Variants in ANKRD30A observed in about 807,000 individuals in gnomAD.
ANKRD30A encodes ankyrin repeat domain 30A, also known as ankyrin repeat domain-containing protein 30A.
In ANKRD30A, 170 loss-of-function variants were observed where a neutral mutation model predicts 166.3. The observed-to-expected ratio is 1.02, with a 90% CI of 0.90 to 1.16. The LOEUF is 1.16. Ranked by LOEUF, ANKRD30A falls within the 50% of genes most tolerant of loss-of-function variation. ANKRD30A has a pLI of 0.00. For missense variants in ANKRD30A, 1,630 were observed against 1,518.0 expected (o/e 1.07, Z -1.23); for synonymous variants, 564 against 508.9 (o/e 1.11, Z -1.46).
At chr10:37,226,351 A>G (rs1379731750) in intron 34 of ANKRD30A, among the ~76,000 whole-genome samples, 1 of 146,784 alleles carries the variant, frequency 6.8e-6, no homozygotes, top group Non-Finnish European at 1.5e-5. Flanking sequence ...GAGTGAGAAC[A>G]TGCGGCGTTT....
intron 6 of ANKRD30A, among the ~76,000 whole-genome samples, chr10:37,138,318 G>T (rs951648801): frequency 2.0e-5 from 3 of 152,044 alleles, no homozygotes; most frequent in African/African-American, 7.2e-5. Flanking sequence ...AAAATCAGAG[G>T]GCCTCTCCTC....
the ANKRD30A span, among the ~76,000 whole-genome samples, chr10:37,257,044 G>A: frequency 8.8e-4 from 134 of 152,002 alleles, no homozygotes; most frequent in African/African-American, 3.1e-3. Flanking sequence ...TTGGTTGGTA[G>A]GCTATTAAAT....
At chr10:37,160,425 G>A (rs550393942) in intron 15 of ANKRD30A, among the ~76,000 whole-genome samples, 1 of 152,158 alleles carries the variant, frequency 6.6e-6, no homozygotes, top group East Asian at 1.9e-4. Context: ...AGGAGAAATA[G>A]GAAAAACATT....
At chr10:37,178,653 A>T in intron 24 of ANKRD30A, 1 of 908,374 alleles carries the variant, frequency 1.1e-6, no homozygotes, top group African/African-American at 1.8e-5. Context: ...GAAAGGAGCA[A>T]TGCAATAGAA....
chr10:37,195,459 T>C (rs1277332419), intron 27 of ANKRD30A, among the ~76,000 whole-genome samples: 1 of 152,128 alleles, frequency 6.6e-6, no homozygotes, highest in Non-Finnish European at 1.5e-5. Flanking sequence ...CGGCTTCACA[T>C]GCTAGTTCAG....
chr10:37,146,860 T>A (rs1256786696), intron 8 of ANKRD30A, among the ~76,000 whole-genome samples: 1 of 152,208 alleles, frequency 6.6e-6, no homozygotes, highest in African/African-American at 2.4e-5. Context: ...TTTGTTTAAC[T>A]AAAGGTAAAG....
At chr10:37,256,734 C>A in the ANKRD30A span, among the ~76,000 whole-genome samples, 3 of 152,050 alleles carry the variant, frequency 2.0e-5, no homozygotes, top group Non-Finnish European at 2.9e-5. Flanking sequence ...TGAAGCATGC[C>A]TTTTAAAAAA....
rs1835964440 is a variant in ANKRD30A at position 37,125,805 on chromosome 10, C to T, written c.18C>T (p.Ala6=). 3 of 732,416 alleles carry T rather than the reference C, an allele frequency of 4.1e-6. No individual in the cohort carries two copies. Among genetic ancestry groups the T allele is most frequent in the Non-Finnish European group, 6.9e-6 (3 of 435,392 alleles). 45.4% of individuals were successfully genotyped at this position (732,416 alleles called of 1,614,324 possible). A position where few individuals can be genotyped will look rare whatever the true frequency, so the allele number is the denominator to read the frequency against. The change falls in exon 1 of 36, where the codon GCC becomes GCT. Residue 6 remains alanine, a synonymous_variant. Coordinates refer to ENST00000361713, the MANE Select transcript of ANKRD30A (RefSeq NM_052997.3). ...CCGCAGCCATGGAGGAGATCTCTGC[C>T]GCCGCTGTCAAGGTCGTGCCGGGCC... is the stretch of plus-strand genomic sequence containing the variant. MEEIS[A]AAVKVVPGPE... is the part of the protein sequence containing the mutation.
intron 15 of ANKRD30A, among the ~76,000 whole-genome samples, chr10:37,160,283 C>G (rs1352608177): frequency 6.6e-6 from 1 of 152,114 alleles, no homozygotes; most frequent in African/African-American, 2.4e-5. Flanking sequence ...ATTTAAAATA[C>G]ACGAATTGGA....
At chr10:37,242,832 A>G in the ANKRD30A span, among the ~76,000 whole-genome samples, 1 of 152,190 alleles carries the variant, frequency 6.6e-6, no homozygotes, top group African/African-American at 2.4e-5. Flanking sequence ...ACTTGAGCTC[A>G]CTGCAACAGT....
chr10:37,178,490 C>T, intron 24 of ANKRD30A: 5 of 962,708 alleles, frequency 5.2e-6, no homozygotes, highest in Non-Finnish European at 6.2e-6. Flanking sequence ...TGCTGGTGGT[C>T]CTTGGACGTT....
chr10:37,253,654 T>C, the ANKRD30A span, among the ~76,000 whole-genome samples: 2 of 149,876 alleles, frequency 1.3e-5, no homozygotes, highest in African/African-American at 4.9e-5. Flanking sequence ...TTTTTCTTTT[T>C]TTTTTTTTTT....
intron 12 of ANKRD30A, 26 bp downstream of exon 12, chr10:37,152,147 T>A (rs753444984): frequency 1.1e-5 from 17 of 1,531,750 alleles, no homozygotes; most frequent in Admixed American, 1.0e-4. Context: ...GATTTTTTTT[T>A]AATATTAGTA....
chr10:37,160,468 G>A (rs1441252368), intron 15 of ANKRD30A, among the ~76,000 whole-genome samples: 5 of 152,128 alleles, frequency 3.3e-5, no homozygotes, highest in Admixed American at 3.3e-4. Flanking sequence ...TGTATTTGTT[G>A]AACTTCAGAG....
chr10:37,208,469 C>T (rs1447778985), intron 31 of ANKRD30A, among the ~76,000 whole-genome samples: 1 of 152,124 alleles, frequency 6.6e-6, no homozygotes, highest in Non-Finnish European at 1.5e-5. Flanking sequence ...TACATTCTAA[C>T]CTGTGGTCAC....
chr10:37,197,462 GAACA>G lies in ANKRD30A; in HGVS notation c.2703_2706del (p.Gln901HisfsTer2). The G allele has an allele frequency of 1.2e-6, 2 of 1,612,332 alleles. No individual in the cohort carries two copies. Among genetic ancestry groups the G allele is most frequent in the East Asian group, 4.5e-5 (2 of 44,818 alleles). The stretch of plus-strand genomic sequence containing the variant: ...AAATAAAGCCTTGGAATTGAAGAAT[GAACA>G]AACATTGAGAGCAGGTACATTTTTC... On this transcript the variant is annotated frameshift_variant, in exon 29 of 36. Coordinates refer to ENST00000361713, the MANE Select transcript of ANKRD30A (RefSeq NM_052997.3). LOFTEE classifies it high-confidence loss of function.
In ANKRD30A at chr10:37,152,064, G is replaced by A. The variant is rs538041220; in HGVS notation, c.1650G>A (p.Pro550=). The A allele has an allele frequency of 7.4e-5, 119 of 1,607,898 alleles. No homozygotes were observed. Among genetic ancestry groups the A allele is most frequent in the Non-Finnish European group, 9.3e-5 (109 of 1,176,162 alleles). The change falls in exon 12 of 36, where the codon CCG becomes CCA. Residue 550 remains proline (P), a synonymous_variant. Coordinates refer to ENST00000361713, the MANE Select transcript of ANKRD30A (RefSeq NM_052997.3). ...LKNEQTLRAD[P]MFPPESKQKD... is the part of the protein sequence containing the mutation. Reference sequence around the variant, plus strand: ...TCTGTGATTAACCTTTTATAGATCCGATGTTCCCACCAGAATCCAAACAAA... The same window carrying A: ...TCTGTGATTAACCTTTTATAGATCCAATGTTCCCACCAGAATCCAAACAAA...
At chr10:37,194,488 G>C (rs1403878559) in intron 27 of ANKRD30A, among the ~76,000 whole-genome samples, 5 of 151,794 alleles carry the variant, frequency 3.3e-5, no homozygotes, top group Admixed American at 6.6e-5. Context: ...CTCCAGGCGC[G>C]TGCCACCACG....
chr10:37,241,396 A>G, the ANKRD30A span: 41 of 151,652 alleles, frequency 2.7e-4, no homozygotes, highest in East Asian at 7.9e-3. Context: ...TTTTTTCTTA[A>G]AAAGGATAAT....
Sources: gnomAD v4.1 joint callset for allele counts (sites outside exome capture counted in the v4.1 genomes callset) on GRCh38, gnomAD v4.1.1 for gene constraint, MANE v1.5 for transcripts, NCBI Gene and HGNC (gene_info 2026-07-23, HGNC 2026-07-21) for gene names.